The following ZNF808 variants were observed in gnomAD, a reference collection of about 807,000 sequenced individuals.
ZNF808 encodes zinc finger protein 808.
Under a neutral mutation model 8.7 loss-of-function variants are expected in ZNF808, and 5 were observed. The ratio of observed to expected loss-of-function variants is 0.58; its 90% CI spans 0.30 to 1.21. The LOEUF (loss-of-function observed/expected upper bound fraction) is 1.21, where lower values mean the gene tolerates loss of function less well. Ranked by LOEUF, ZNF808 falls within the 50% of genes most tolerant of loss-of-function variation. The pLI is 0.07. For missense variants in ZNF808, 1,103 were observed against 1,098.4 expected (o/e 1.00, Z -0.06); for synonymous variants, 380 against 366.0 (o/e 1.04, Z -0.44).
chr19:52,543,740 G>A (rs2059694872), intron 3 of ZNF808, among the ~76,000 whole-genome samples: 1 of 152,168 alleles, frequency 6.6e-6, no homozygotes, highest in Non-Finnish European at 1.5e-5. Flanking sequence ...GCGCAGATGT[G>A]TGGTAAATTC....
chr19:52,544,389 G>A (rs1888375678), intron 3 of ZNF808, among the ~76,000 whole-genome samples: 1 of 152,186 alleles, frequency 6.6e-6, no homozygotes, highest in South Asian at 2.1e-4. Flanking sequence ...GGAGCGCAGT[G>A]GTACGATCTC....
chr19:52,561,693 G>A (rs1047334862), intron 3 of ZNF808, among the ~76,000 whole-genome samples: 3 of 151,922 alleles, frequency 2.0e-5, no homozygotes, highest in African/African-American at 4.8e-5. Context: ...GATTACAGGC[G>A]TGTACCACCA....
chr19:52,530,339 C>T (rs1409249995), intron 1 of ZNF808, among the ~76,000 whole-genome samples: 3 of 152,032 alleles, frequency 2.0e-5, no homozygotes, highest in East Asian at 2.0e-4. Context: ...GGATTCCTGG[C>T]GTGAGCCACC....
Position 52,556,079 on chromosome 19 carries a change from T to C in ZNF808, c.*451T>C. 1 of 440,370 alleles carries C rather than the reference T, an allele frequency of 2.3e-6. No individual in the cohort carries two copies. The highest frequency in any genetic ancestry group is 4.5e-6 in the Non-Finnish European group (1 of 220,348). 27.3% of individuals were successfully genotyped at this position (440,370 alleles called of 1,614,324 possible). A position where few individuals can be genotyped will look rare whatever the true frequency, so the allele number is the denominator to read the frequency against. On this transcript the variant is annotated 3_prime_UTR_variant, in exon 5 of 5. Coordinates refer to ENST00000359798, the MANE Select transcript of ZNF808 (RefSeq NM_001039886.4). ...AGTATAGCAAACCATCAAGCATTAA[T>C]TGACATTGGAGTCAATTCAGCATTG...
chr19:52,552,278 A>G (rs1417067513), intron 4 of ZNF808, among the ~76,000 whole-genome samples: 1 of 152,044 alleles, frequency 6.6e-6, no homozygotes, highest in Non-Finnish European at 1.5e-5. Context: ...CGGCCTCCCA[A>G]AGTGCTGGGA....
Position 52,554,803 on chromosome 19 carries a change from C to G in ZNF808, c.1887C>G (p.Asp629Glu), listed in dbSNP as rs545673226. ...AACCATACAGATGTCAGGTTTGTGA[C>G]ACAGCTTTCACGTGGAATTCACAGC... ...GEKPYRCQVC[D>E]TAFTWNSQLA... Residue 629 changes from aspartate (D) to glutamate (E), a missense_variant, in exon 5 of 5, where the codon GAC becomes GAG. Asp to Glu is a conservative substitution (Grantham distance 45). Coordinates refer to ENST00000359798, the MANE Select transcript of ZNF808 (RefSeq NM_001039886.4). 2 of 1,612,816 alleles carry G rather than the reference C, an allele frequency of 1.2e-6. No individual in the cohort carries two copies. The highest frequency in any genetic ancestry group is 3.3e-5 in the Admixed American group (2 of 59,900).
At chr19:52,535,506 G>A (rs1240017399) in intron 2 of ZNF808, among the ~76,000 whole-genome samples, 4 of 152,070 alleles carry the variant, frequency 2.6e-5, no homozygotes, top group African/African-American at 9.7e-5. Context: ...CTTCCGCCCC[G>A]TGCCCGCATC....
At chr19:52,549,078 G>A (rs1357252573) in intron 4 of ZNF808, among the ~76,000 whole-genome samples, 2 of 152,046 alleles carry the variant, frequency 1.3e-5, no homozygotes, top group East Asian at 3.8e-4. Context: ...CCCAGGTCAA[G>A]CAATCTCATA....
intron 3 of ZNF808, 53 bp downstream of exon 3, chr19:52,543,400 A>T: frequency 6.3e-7 from 1 of 1,597,398 alleles, no homozygotes; most frequent in South Asian, 1.1e-5. Flanking sequence ...TCTGAAATGT[A>T]GTAGTATTAT....
intron 2 of ZNF808, among the ~76,000 whole-genome samples, chr19:52,537,696 A>G (rs1302760945): frequency 1.3e-5 from 2 of 152,138 alleles, no homozygotes; most frequent in Admixed American, 1.3e-4. Flanking sequence ...TCAAAAAAAA[A>G]AAAAAAAGGG....
chr19:52,530,115 C>T (rs1568476120), intron 1 of ZNF808, among the ~76,000 whole-genome samples: 1 of 151,848 alleles, frequency 6.6e-6, no homozygotes, highest in Non-Finnish European at 1.5e-5. Context: ...GGCTAGCGTG[C>T]GATGGCATGA....
intron 2 of ZNF808, chr19:52,536,031 G>C (rs988576543): frequency 6.0e-6 from 1 of 165,940 alleles, no homozygotes; most frequent in Non-Finnish European, 1.3e-5. Flanking sequence ...GTGGAGTGAA[G>C]GTCGTACCGC....
intron 2 of ZNF808, among the ~76,000 whole-genome samples, chr19:52,537,744 T>C (rs914939660): frequency 1.3e-5 from 2 of 151,872 alleles, no homozygotes; most frequent in Admixed American, 1.3e-4. Flanking sequence ...GTGAGTTCAT[T>C]GGATATGATT....
intron 2 of ZNF808, among the ~76,000 whole-genome samples, chr19:52,534,367 CTT>C (rs1369286446): frequency 4.6e-5 from 7 of 152,152 alleles, no homozygotes; most frequent in African/African-American, 7.2e-5. Flanking sequence ...TACTGTTTAT[CTT>C]GAAAACATGT....
chr19:52,564,676 G>A (rs1051096884), downstream of ZNF808, among the ~76,000 whole-genome samples: 37 of 152,246 alleles, frequency 2.4e-4, no homozygotes, highest in African/African-American at 7.7e-4. Context: ...ATCAGCAGCT[G>A]GGAGTGATGG....
chr19:52,536,593 C>A (rs548780321), intron 2 of ZNF808, among the ~76,000 whole-genome samples: 1 of 152,188 alleles, frequency 6.6e-6, no homozygotes, highest in East Asian at 1.9e-4. Context: ...CAGGTCCCAG[C>A]GGCTTGTCCT....
intron 2 of ZNF808, among the ~76,000 whole-genome samples, chr19:52,542,068 G>A (rs1163324427): frequency 2.6e-5 from 4 of 151,886 alleles, no homozygotes; most frequent in African/African-American, 4.8e-5. Flanking sequence ...ATGTATACGT[G>A]AAAAGAGTGA....
chr19:52,559,554 A>T (rs953393541), downstream of ZNF808, among the ~76,000 whole-genome samples: 1 of 151,840 alleles, frequency 6.6e-6, no homozygotes, highest in African/African-American at 2.4e-5. Context: ...CTGTAGGCCT[A>T]CTTTTCTTTC....
At position 52,555,611 on chromosome 19, in the gene ZNF808, A is replaced by T. The variant is rs369258505; in HGVS notation, c.2695A>T (p.Ile899Leu). The change falls in exon 5 of 5, where the codon ATA (isoleucine) becomes TTA (leucine). Residue 899 changes from isoleucine to leucine, a missense_variant. Ile to Leu is a conservative substitution (Grantham distance 5). Coordinates refer to ENST00000359798, the MANE Select transcript of ZNF808 (RefSeq NM_001039886.4). ...TLIHHQAIHG[I>L]GKFD ...TATTCACCATCAGGCAATTCATGGT[A>T]TAGGGAAATTTGATTAATATAATGA... 1.2e-6 allele frequency: 2 copies of T among 1,600,352 alleles called. No homozygotes were observed. Among genetic ancestry groups the T allele is most frequent in the Non-Finnish European group, 1.7e-6 (2 of 1,173,912 alleles).
Sources: allele counts gnomAD v4.1 joint callset (sites outside exome capture counted in the v4.1 genomes callset), GRCh38; gene constraint gnomAD v4.1.1; transcripts MANE v1.5; gene names NCBI Gene and HGNC (gene_info 2026-07-23, HGNC 2026-07-21).